CHI3L2: variants seen among roughly 807,000 people sequenced by gnomAD.
CHI3L2 encodes the protein chitinase 3 like 2, also known as chitinase-3-like protein 2.
CHI3L2 carries 47 observed loss-of-function variants against 47.3 expected under a neutral mutation model. The observed-to-expected ratio is 0.99, with a 90% confidence interval of 0.79 to 1.27. CHI3L2 has a LOEUF of 1.27. Among genes scored for constraint, CHI3L2 ranks in the 50% most tolerant of loss-of-function variants. CHI3L2 has a pLI of 0.00. For missense variants in CHI3L2, 497 were observed against 462.1 expected (o/e 1.08, Z -0.69); for synonymous variants, 198 against 169.9 (o/e 1.17, Z -1.28).
chr1:111,232,721 A>G (rs1303373691), intron 4 of CHI3L2, among the ~76,000 whole-genome samples: 3 of 152,206 alleles, frequency 2.0e-5, no homozygotes, highest in Non-Finnish European at 4.4e-5. Flanking sequence ...CAGAATAATT[A>G]TATATGTGTA....
At position 111,227,869 on chromosome 1, in the gene CHI3L2, T is replaced by G. The variant is rs187448133; in HGVS notation, c.40+100T>G. On this transcript the variant is annotated intron_variant, in intron 1 of 10. Coordinates refer to ENST00000369748, the MANE Select transcript of CHI3L2 (RefSeq NM_004000.3). ...TCTTCCTCCTTTCCTGGGACTTCAG[T>G]CTTTCCGTTGACCTTAGTGTCAAAA... 7.6e-5 allele frequency: 93 copies of G among 1,231,402 alleles called. No individual in the cohort carries two copies. In the African/African-American group the frequency reaches 1.1e-3, roughly 15 times the overall value. The allele number at this position is 1,231,402 out of a possible 1,614,324, so 76.3% of individuals were successfully genotyped here. A position where few individuals can be genotyped will look rare whatever the true frequency, so the allele number is the denominator to read the frequency against.
chr1:111,229,486 TC>T (rs904032890), intron 1 of CHI3L2, among the ~76,000 whole-genome samples: 1 of 150,282 alleles, frequency 6.7e-6, no homozygotes, highest in Non-Finnish European at 1.5e-5. Flanking sequence ...ATCGAGACCA[TC>T]CCGGCTAAAA....
intron 6 of CHI3L2, 76 bp from the exon 7 acceptor site, chr1:111,235,948 A>T: frequency 1.9e-6 from 3 of 1,584,532 alleles, no homozygotes; most frequent in Middle Eastern, 1.7e-4. Flanking sequence ...GCATCATTCA[A>T]AGCCAAAACA....
intron 7 of CHI3L2, 90 bp downstream of exon 7, chr1:111,236,243 C>T: frequency 7.1e-7 from 1 of 1,404,610 alleles, no homozygotes; most frequent in South Asian, 1.3e-5. Flanking sequence ...CTGTCTTGAA[C>T]TGAGGAAGAG....
chr1:111,228,203 TCTCCC>T (rs1659583449), intron 1 of CHI3L2, among the ~76,000 whole-genome samples: 2 of 152,204 alleles, frequency 1.3e-5, no homozygotes, highest in Non-Finnish European at 2.9e-5. Flanking sequence ...TTTTTTAAAC[TCTCCC>T]TTTCAACTCT....
rs1162085927 is a variant in CHI3L2 at position 111,235,023 on chromosome 1, A to G, written c.446A>G (p.Gln149Arg). 1 of 1,614,162 alleles carries G rather than the reference A, an allele frequency of 6.2e-7. No homozygotes were observed. The highest frequency in any genetic ancestry group is 1.1e-5 in the South Asian group (1 of 91,086). ...GATGTAAGCTGGATCTACCCAGATC[A>G]GAAAGAAAACACTCATTTCACTGTG... ...GLDVSWIYPD[Q>R]KENTHFTVLI... Residue 149 changes from glutamine to arginine, a missense_variant, in exon 5 of 11, where the codon CAG (glutamine) becomes CGG (arginine). Physicochemically the swap from Gln to Arg is conservative, Grantham distance 43. Coordinates refer to ENST00000369748, the MANE Select transcript of CHI3L2 (RefSeq NM_004000.3).
chr1:111,238,608 T>C, intron 7 of CHI3L2, 142 bp from the exon 8 acceptor site: 2 of 751,064 alleles, frequency 2.7e-6, no homozygotes, highest in South Asian at 3.6e-5. Flanking sequence ...AGCACTCTGG[T>C]CCGGGGGGTC....
chr1:111,233,053 C>T (rs2494004), intron 4 of CHI3L2, among the ~76,000 whole-genome samples: 37,983 of 152,070 alleles, frequency 0.25, 5,598 homozygotes, highest in Non-Finnish European at 0.34. Flanking sequence ...TGAAAAGTGA[C>T]ACAACTTAAA....
Position 111,235,692 on chromosome 1 carries a change from T to G in CHI3L2, c.534T>G (p.Leu178=), listed in dbSNP as rs1238613202. ...TCACAAAATCCACCAAGGAAAGGCT[T>G]CTCTTGACTGCGGGCGTATCTGCAG... ...KDFTKSTKER[L]LLTAGVSAGR... is the part of the protein sequence containing the mutation. Residue 178 remains leucine (L), a synonymous_variant, in exon 6 of 11, where the codon CTT becomes CTG. Transcript: ENST00000369748. 1.2e-6 allele frequency: 2 copies of G among 1,614,104 alleles called. No individual in the cohort carries two copies. The highest frequency in any genetic ancestry group is 2.2e-5 in the South Asian group (2 of 91,086).
chr1:111,237,365 A>G lies in CHI3L2; in HGVS notation c.735+1212A>G, dbSNP rs570644114. The stretch of plus-strand genomic sequence containing the variant: ...AGCAAGATGGAGTCAGTTAGGTCAG[A>G]TCTCTTTCACTGTCATAATTTTCTC... On this transcript the variant is annotated intron_variant, in intron 7 of 10. Transcript: ENST00000369748. Among the ~76,000 whole-genome samples, 22 of 152,368 alleles carry G rather than the reference A, an allele frequency of 1.4e-4. 1 individual carries two copies. The highest frequency in any genetic ancestry group is 5.0e-4 in the African/African-American group (21 of 41,594).
chr1:111,233,719 T>G (rs12065342), intron 4 of CHI3L2, among the ~76,000 whole-genome samples: 45,576 of 150,806 alleles, frequency 0.3, 7,303 homozygotes, highest in African/African-American at 0.4. Context: ...GAACGGGCCA[T>G]GATGACAATG....
At chr1:111,235,804 T>C (rs1338205148) in intron 6 of CHI3L2, 41 bp downstream of exon 6, 1 of 1,605,876 alleles carries the variant, frequency 6.2e-7, no homozygotes, top group South Asian at 1.1e-5. Flanking sequence ...CTGCTTCCAA[T>C]TTGGTCCATG....
At chr1:111,235,892 T>A in intron 6 of CHI3L2, 129 bp downstream of exon 6, 1 of 1,537,892 alleles carries the variant, frequency 6.5e-7, no homozygotes, top group Non-Finnish European at 8.8e-7. Flanking sequence ...CCTGCATCAT[T>A]CAGCCAGGAA....
Position 111,230,942 on chromosome 1 carries a change from A to G in CHI3L2, c.271A>G (p.Lys91Glu), listed in dbSNP as rs1355222417. The change falls in exon 3 of 11, where the codon AAG becomes GAG. Residue 91 changes from lysine to glutamate, a missense_variant and splice_region_variant. Physicochemically the swap from Lys to Glu is moderately conservative, Grantham distance 56. Coordinates refer to ENST00000369748, the MANE Select transcript of CHI3L2 (RefSeq NM_004000.3). ...CCAGACCATCAACAGTCTCAAAACC[A>G]AGTGAGTAAGATGGGGGTGGAAGCA... Reference protein sequence around the residue: ...LYQTINSLKTKNPKLKILLSI... With the variant: ...LYQTINSLKTENPKLKILLSI... 1.2e-6 allele frequency: 2 copies of G among 1,613,356 alleles called. No homozygotes were observed. Among genetic ancestry groups the G allele is most frequent in the South Asian group, 1.1e-5 (1 of 91,012 alleles).
chr1:111,227,743 C>T lies in CHI3L2; in HGVS notation c.14C>T (p.Thr5Ile), dbSNP rs903468277. The T allele has an allele frequency of 6.2e-7, 1 of 1,614,188 alleles. No homozygotes were observed. The highest frequency in any genetic ancestry group is 8.5e-7 in the Non-Finnish European group (1 of 1,180,030). The change falls in exon 1 of 11, where the codon ACC becomes ATC. Residue 5 changes from threonine to isoleucine, a missense_variant. Physicochemically the swap from Thr to Ile is moderately conservative, Grantham distance 89. Transcript: ENST00000369748. Reference sequence around the variant, plus strand: ...CTGGCCAAGGATATGGGAGCAACCACCATGGACCAGAAGTCTCTCTGGGCA... The same window carrying T: ...CTGGCCAAGGATATGGGAGCAACCATCATGGACCAGAAGTCTCTCTGGGCA... MGAT[T>I]MDQKSLWAGV...
intron 4 of CHI3L2, 92 bp from the exon 5 acceptor site, chr1:111,234,815 G>A (rs1223724199): frequency 9.2e-6 from 11 of 1,199,770 alleles, no homozygotes; most frequent in Non-Finnish European, 1.3e-5. Context: ...TATTGGGGAA[G>A]AGAAGACTGC....
At chr1:111,235,972 G>T in intron 6 of CHI3L2, 52 bp from the exon 7 acceptor site, 1 of 1,605,446 alleles carries the variant, frequency 6.2e-7, no homozygotes, top group Non-Finnish European at 8.5e-7. Flanking sequence ...ACTTACAATT[G>T]TTTCTACCAC....
At chr1:111,237,345 G>A (rs1030967914) in intron 7 of CHI3L2, among the ~76,000 whole-genome samples, 3 of 152,224 alleles carry the variant, frequency 2.0e-5, no homozygotes, top group African/African-American at 7.2e-5. Context: ...TTAGAAGCAA[G>A]ATGGAGTCAG....
intron 10 of CHI3L2, among the ~76,000 whole-genome samples, chr1:111,242,909 GC>G (rs1394182840): frequency 6.6e-6 from 1 of 152,084 alleles, no homozygotes; most frequent in Non-Finnish European, 1.5e-5. Flanking sequence ...CCATCCCTGG[GC>G]CCCCAGTTCC....
Sources: allele counts gnomAD v4.1 joint callset (sites outside exome capture counted in the v4.1 genomes callset), GRCh38; gene constraint gnomAD v4.1.1; transcripts MANE v1.5; gene names NCBI Gene and HGNC (gene_info 2026-07-23, HGNC 2026-07-21).